Variants in LRRIQ4 observed in about 807,000 individuals in gnomAD.
The protein encoded by LRRIQ4 is leucine rich repeats and IQ motif containing 4.
Under a neutral mutation model 40.1 loss-of-function variants are expected in LRRIQ4, and 21 were observed. The observed-to-expected ratio is 0.52, with a 90% CI of 0.37 to 0.75. The LOEUF is 0.75. LRRIQ4 is among the 30% of genes least tolerant of loss of function. The pLI, the probability that LRRIQ4 is intolerant of heterozygous loss-of-function variation, is 0.00. For missense variants in LRRIQ4, 655 were observed against 660.0 expected (o/e 0.99, Z 0.08); for synonymous variants, 277 against 277.1 (o/e 1.00, Z 0.00).
chr3:169,827,839 T>C (rs1309412079), intron 2 of LRRIQ4, among the ~76,000 whole-genome samples: 4 of 152,114 alleles, frequency 2.6e-5, no homozygotes, highest in African/African-American at 4.8e-5. Context: ...TATTAGAAGG[T>C]TGAAATAGAG....
Position 169,817,683 on chromosome 3 carries a change from AC to A in LRRIQ4, c.-31-4206del, listed in dbSNP as rs571412720. Among the ~76,000 whole-genome samples the A allele has an allele frequency of 6.8e-4, 103 of 151,542 alleles. No individual in the cohort carries two copies. The Middle Eastern group carries it at 0.01, about 15-fold the overall frequency. On this transcript the variant is annotated intron_variant, in intron 1 of 5. Transcript: ENST00000340806. ...TGAACCCCTTTATCATTATATAATGACCTTTTTTGTCTTTTTTTATAGCTTT... is the reference window on the plus strand; with the variant it reads ...TGAACCCCTTTATCATTATATAATGACTTTTTTGTCTTTTTTTATAGCTTT...
chr3:169,833,580 C>T (rs954538379), intron 5 of LRRIQ4, among the ~76,000 whole-genome samples: 16 of 152,170 alleles, frequency 1.1e-4, no homozygotes, highest in African/African-American at 3.6e-4. Context: ...TTCTGAGCTG[C>T]CATTAATAAG....
chr3:169,816,063 G>A (rs1003759930), intron 1 of LRRIQ4, among the ~76,000 whole-genome samples: 8 of 152,068 alleles, frequency 5.3e-5, no homozygotes, highest in Non-Finnish European at 1.0e-4. Context: ...GAGGATCTTC[G>A]CTGAGAAGAT....
chr3:169,829,806 C>T (rs2108180882), intron 3 of LRRIQ4, among the ~76,000 whole-genome samples: 1 of 152,304 alleles, frequency 6.6e-6, no homozygotes, highest in East Asian at 1.9e-4. Context: ...TGACCTGCTG[C>T]ACTCTTAATG....
At chr3:169,830,695 G>C in intron 4 of LRRIQ4, 65 bp downstream of exon 4, 2 of 1,580,966 alleles carry the variant, frequency 1.3e-6, no homozygotes, top group African/African-American at 1.3e-5. Flanking sequence ...ATGGCAAATG[G>C]CTTCCTTGCT....
At chr3:169,822,967 C>G (rs1346343041) in intron 2 of LRRIQ4, 26 bp downstream of exon 2, 3 of 1,489,630 alleles carry the variant, frequency 2.0e-6, no homozygotes, top group African/African-American at 2.8e-5. Context: ...CTGGCTGTCA[C>G]TATGCTCTCA....
chr3:169,833,135 A>G lies in LRRIQ4; in HGVS notation c.1482A>G (p.Ile494Met), dbSNP rs1780223564. The G allele has an allele frequency of 6.2e-7, 1 of 1,613,972 alleles. No homozygotes were observed. Among genetic ancestry groups the G allele is most frequent in the Middle Eastern group, 1.6e-4 (1 of 6,062 alleles). ...TGTGTGCTGAAGGCAATGAGGCCAT[A>G]TGGAAATACCTCAAGGAAAACAGAA... is the stretch of plus-strand genomic sequence containing the variant. ...KEVCAEGNEA[I>M]WKYLKENRNR... The change falls in exon 5 of 6, where the codon ATA (isoleucine) becomes ATG (methionine). Residue 494 changes from isoleucine to methionine, a missense_variant. Coordinates refer to ENST00000340806, the MANE Select transcript of LRRIQ4 (RefSeq NM_001080460.3).
chr3:169,822,645 T>C lies in LRRIQ4; in HGVS notation c.724T>C (p.Ser242Pro), dbSNP rs191327544. The change falls in exon 2 of 6, where the codon TCC becomes CCC. Residue 242 changes from serine (S) to proline (P), a missense_variant. By Grantham distance (74) the Ser-to-Pro change is moderately conservative. Coordinates refer to ENST00000340806, the MANE Select transcript of LRRIQ4 (RefSeq NM_001080460.3). ...QCSQLSVLDL[S>P]HNLLHSIPKS... ...TAGCCAACTGTCGGTGCTCGATTTATCCCACAACCTCCTCCACTCCATCCC... is the reference window on the plus strand; with the variant it reads ...TAGCCAACTGTCGGTGCTCGATTTACCCCACAACCTCCTCCACTCCATCCC... 23 of 1,613,964 alleles carry C rather than the reference T, an allele frequency of 1.4e-5. No individual in the cohort carries two copies. The East Asian group carries it at 3.8e-4, about 27-fold the overall frequency.
chr3:169,824,568 A>G (rs1416395645), intron 2 of LRRIQ4, among the ~76,000 whole-genome samples: 2 of 151,932 alleles, frequency 1.3e-5, no homozygotes, highest in Non-Finnish European at 2.9e-5. Flanking sequence ...GCTGGAGTGC[A>G]GTGGTGCTAT....
intron 5 of LRRIQ4, among the ~76,000 whole-genome samples, chr3:169,837,193 T>C (rs557784693): frequency 6.6e-6 from 1 of 152,324 alleles, no homozygotes; most frequent in South Asian, 2.1e-4. Flanking sequence ...TTGTACTGTC[T>C]CTTCCTCACT....
chr3:169,828,576 T>C (rs1053093890), intron 2 of LRRIQ4, among the ~76,000 whole-genome samples, 183 bp from the exon 3 acceptor site: 2 of 152,016 alleles, frequency 1.3e-5, no homozygotes, highest in African/African-American at 4.8e-5. Context: ...AAAAGTGAAA[T>C]CAGAGACTTT....
At chr3:169,815,354 ACTT>A (rs1214275649) in intron 1 of LRRIQ4, among the ~76,000 whole-genome samples, 1 of 151,730 alleles carries the variant, frequency 6.6e-6, no homozygotes, top group African/African-American at 2.4e-5. Context: ...GAGATCTTTT[ACTT>A]CTTTGGTTGA....
At chr3:169,818,713 T>C (rs1779813761) in intron 1 of LRRIQ4, among the ~76,000 whole-genome samples, 1 of 152,254 alleles carries the variant, frequency 6.6e-6, no homozygotes, top group Non-Finnish European at 1.5e-5. Context: ...TTATTACCAT[T>C]ACATGAATAT....
At chr3:169,814,626 C>A (rs757008768) in intron 1 of LRRIQ4, among the ~76,000 whole-genome samples, 5 of 152,148 alleles carry the variant, frequency 3.3e-5, no homozygotes, top group Non-Finnish European at 7.3e-5. Flanking sequence ...GCCGGGATTA[C>A]AGGCGCCCCC....
intron 5 of LRRIQ4, among the ~76,000 whole-genome samples, chr3:169,834,852 A>T (rs1780270021): frequency 6.6e-6 from 1 of 151,980 alleles, no homozygotes. Flanking sequence ...TTAAAAATTT[A>T]AAAATGTATA....
At chr3:169,823,312 A>T (rs542099135) in intron 2 of LRRIQ4, among the ~76,000 whole-genome samples, 1 of 150,540 alleles carries the variant, frequency 6.6e-6, no homozygotes, top group East Asian at 2.0e-4. Flanking sequence ...ATTCCAGCCC[A>T]CAGCTGCCAG....
Position 169,837,508 on chromosome 3 carries a change from A to G in LRRIQ4, c.1560A>G (p.Val520=), listed in dbSNP as rs2108190137. 6.2e-7 allele frequency: 1 copy of G among 1,610,196 alleles called. No individual in the cohort carries two copies. The highest frequency in any genetic ancestry group is 1.1e-5 in the South Asian group (1 of 89,530). ...KIQAWWRGTM[V]QRGFGKFGEL... ...AGGCATGGTGGCGTGGAACAATGGT[A>G]CAGAGAGGATTTGGGAAATTCGGTG... Residue 520 remains valine, a synonymous_variant, in exon 6 of 6, where the codon GTA becomes GTG. Coordinates refer to ENST00000340806, the MANE Select transcript of LRRIQ4 (RefSeq NM_001080460.3).
chr3:169,828,125 ATAT>A (rs1217851858), intron 2 of LRRIQ4, among the ~76,000 whole-genome samples: 2 of 152,214 alleles, frequency 1.3e-5, no homozygotes, highest in Non-Finnish European at 2.9e-5. Flanking sequence ...TTTATAATGA[ATAT>A]TATTATTGCA....
chr3:169,831,483 T>TTTTC (rs1780175789), intron 4 of LRRIQ4, among the ~76,000 whole-genome samples: 1 of 95,492 alleles, frequency 1.0e-5, no homozygotes, highest in Non-Finnish European at 2.0e-5. Context: ...TTTTTTTTTT[T>TTTTC]AGTAGAGACG....
Sources: allele counts gnomAD v4.1 joint callset (sites outside exome capture counted in the v4.1 genomes callset), GRCh38; gene constraint gnomAD v4.1.1; transcripts MANE v1.5; gene names NCBI Gene and HGNC (gene_info 2026-07-23, HGNC 2026-07-21).